C12orf56: variants seen among roughly 807,000 people sequenced by gnomAD.
The protein encoded by C12orf56 is chromosome 12 open reading frame 56, also known as uncharacterized protein C12orf56.
A neutral mutation model predicts 69.9 loss-of-function variants in C12orf56; 71 were observed. The observed-to-expected ratio is 1.02, with a 90% CI of 0.84 to 1.24. The LOEUF (loss-of-function observed/expected upper bound fraction) is 1.24, where lower values mean the gene tolerates loss of function less well. C12orf56 is among the 50% of genes most tolerant of loss of function. C12orf56 has a pLI of 0.00. For missense variants in C12orf56, 732 were observed against 738.5 expected (o/e 0.99, Z 0.10); for synonymous variants, 276 against 274.1 (o/e 1.01, Z -0.07).
chr12:64,308,948 A>AAAGAAAG (rs1565749021), intron 5 of C12orf56, among the ~76,000 whole-genome samples: 14 of 52,094 alleles, frequency 2.7e-4, no homozygotes, highest in East Asian at 1.1e-3. Flanking sequence ...AAGAAGAAAG[A>AAAGAAAG]AAGAAAGAAA....
At chr12:64,323,627 G>A (rs1193808301) in intron 3 of C12orf56, among the ~76,000 whole-genome samples, 2 of 142,140 alleles carry the variant, frequency 1.4e-5, no homozygotes, top group Non-Finnish European at 3.0e-5. Context: ...GCAGTGGTGT[G>A]AGTAGCTTGG....
chr12:64,380,922 G>A (rs1381399637), intron 1 of C12orf56, among the ~76,000 whole-genome samples: 1 of 152,144 alleles, frequency 6.6e-6, no homozygotes, highest in East Asian at 1.9e-4. Flanking sequence ...TTTAATTTAT[G>A]ATATATGTTT....
chr12:64,321,597 G>A (rs2038774223), intron 3 of C12orf56, among the ~76,000 whole-genome samples: 1 of 152,080 alleles, frequency 6.6e-6, no homozygotes, highest in Non-Finnish European at 1.5e-5. Flanking sequence ...GCCTCCCAAA[G>A]TGCTGGGATT....
intron 5 of C12orf56, 38 bp from the exon 6 acceptor site, chr12:64,303,817 GGT>G: frequency 6.5e-7 from 1 of 1,543,324 alleles, no homozygotes; most frequent in Non-Finnish European, 8.7e-7. Context: ...TTAAAAAAAT[GGT>G]AAGACATAGC....
Position 64,390,626 on chromosome 12 carries a change from C to G in C12orf56, c.-61G>C, listed in dbSNP as rs912865326. On this transcript the variant is annotated 5_prime_UTR_variant, in exon 1 of 13. Coordinates refer to ENST00000543942, the MANE Select transcript of C12orf56 (RefSeq NM_001170633.2). ...CGAGGCCCTCAGCTCGCCCTCTCCC[C>G]GCCCCCGCGCTGGAACCCGCGCGCC... The G allele has an allele frequency of 2.2e-6, 3 of 1,387,726 alleles. No homozygotes were observed. In the African/African-American group the frequency reaches 4.6e-5, roughly 21 times the overall value. The allele number at this position is 1,387,726 out of a possible 1,614,324, so 86.0% of individuals were successfully genotyped here.
rs373461045 is a variant in C12orf56, at chr12:64,390,329, G to A, written c.237C>T (p.Val79=). The A allele has an allele frequency of 3.7e-6, 6 of 1,609,876 alleles. No homozygotes were observed. Among genetic ancestry groups the A allele is most frequent in the Non-Finnish European group, 5.1e-6 (6 of 1,179,032 alleles). ...CGCCGCTCACCAGGTCAATGGCCAC[G>A]ACGTCCCGCAGAGCCACTACCCGCC... ...SIRRVVALRD[V]VAIDLIDDYP... is the part of the protein sequence containing the mutation. Residue 79 remains valine, a synonymous_variant, in exon 1 of 13, where the codon GTC becomes GTT. Coordinates refer to ENST00000543942, the MANE Select transcript of C12orf56 (RefSeq NM_001170633.2).
intron 12 of C12orf56, among the ~76,000 whole-genome samples, chr12:64,268,482 T>C (rs1194443534): frequency 6.6e-6 from 1 of 152,170 alleles, no homozygotes; most frequent in African/African-American, 2.4e-5. Context: ...GCTCCATTTA[T>C]GTAGAATGTC....
At chr12:64,274,561 G>A (rs2038027124) in intron 11 of C12orf56, among the ~76,000 whole-genome samples, 2 of 152,148 alleles carry the variant, frequency 1.3e-5, no homozygotes, top group African/African-American at 4.8e-5. Flanking sequence ...GCACACAAAT[G>A]ATCCCAAGTG....
rs758331750 is a variant in C12orf56, at chr12:64,390,545, G to A, written c.21C>T (p.Ser7=). 1.3e-5 allele frequency: 21 copies of A among 1,593,790 alleles called. No individual in the cohort carries two copies. The East Asian group carries it at 2.7e-4, about 20-fold the overall frequency. ...GGCTGTTCCTGCGCGCGGGGAAGCC[G>A]GACGGCAAGGGGCTGGCCATGCCCG... The part of the protein sequence containing the change: MASPLP[S]GFPARRNSRL... Residue 7 remains serine (S), a synonymous_variant, in exon 1 of 13, where the codon TCC becomes TCT. Transcript: ENST00000543942.
In C12orf56 at chr12:64,385,507, A is replaced by C. The variant is rs114896460; in HGVS notation, c.252+4807T>G. Among the ~76,000 whole-genome samples the C allele has an allele frequency of 7.1e-3, 1,085 of 152,292 alleles. 19 individuals carry two copies. The highest frequency in any genetic ancestry group is 0.024 in the African/African-American group (995 of 41,566). Reference sequence around the variant, plus strand: ...ACAAGGAGAGCTGGGGCTCAGAGGCATAAAGGACTTTATTTGTTCCTAAGA... The same window carrying C: ...ACAAGGAGAGCTGGGGCTCAGAGGCCTAAAGGACTTTATTTGTTCCTAAGA... On this transcript the variant is annotated intron_variant, in intron 1 of 12. Coordinates refer to ENST00000543942, the MANE Select transcript of C12orf56 (RefSeq NM_001170633.2).
chr12:64,352,457 A>G (rs1340975700), intron 2 of C12orf56: 1 of 152,686 alleles, frequency 6.5e-6, no homozygotes, highest in African/African-American at 2.4e-5. Flanking sequence ...AGCTAGATGT[A>G]CTTCTTTAGA....
chr12:64,304,672 T>C (rs2038488248), intron 5 of C12orf56, among the ~76,000 whole-genome samples: 1 of 152,208 alleles, frequency 6.6e-6, no homozygotes, highest in South Asian at 2.1e-4. Context: ...CCCCTCCCAC[T>C]GTGCTCAGTA....
rs142120205 is a variant in C12orf56, at chr12:64,281,762, A to T, written c.1310+2902T>A. Among the ~76,000 whole-genome samples, 313 of 152,274 alleles carry T rather than the reference A, an allele frequency of 2.1e-3. 3 individuals carry two copies. Among genetic ancestry groups the T allele is most frequent in the African/African-American group, 7.2e-3 (300 of 41,554 alleles). On this transcript the variant is annotated intron_variant, in intron 8 of 12. Transcript: ENST00000543942. ...GGACATGAAAAGAATTGGTAATATCAGGAAAGAGGCTTGATATAGGACGGC... is the reference window on the plus strand; with the variant it reads ...GGACATGAAAAGAATTGGTAATATCTGGAAAGAGGCTTGATATAGGACGGC...
intron 4 of C12orf56, among the ~76,000 whole-genome samples, chr12:64,317,450 G>C (rs1426162658): frequency 6.6e-6 from 1 of 152,114 alleles, no homozygotes; most frequent in Non-Finnish European, 1.5e-5. Flanking sequence ...ATATAATCTT[G>C]AGTAAATCAC....
chr12:64,375,007 A>G (rs1016824343), intron 1 of C12orf56, among the ~76,000 whole-genome samples: 6 of 151,712 alleles, frequency 4.0e-5, no homozygotes, highest in Non-Finnish European at 8.8e-5. Context: ...GTTTTAATGC[A>G]TGTTTCTTGC....
rs1344442394 is a variant in C12orf56 at position 64,303,785 on chromosome 12, G to A, written c.969-6C>T. The A allele has an allele frequency of 6.4e-7, 1 of 1,566,588 alleles. No homozygotes were observed. The highest frequency in any genetic ancestry group is 1.2e-5 in the South Asian group (1 of 81,110). ...GCTTAATTTTCTCCTCAGACCTACA[G>A]AAACAGAAGAAAATTTTCCACTTAA... On this transcript the variant is annotated splice_polypyrimidine_tract_variant and splice_region_variant and intron_variant, in intron 5 of 12. Coordinates refer to ENST00000543942, the MANE Select transcript of C12orf56 (RefSeq NM_001170633.2).
chr12:64,328,336 TCCTACA>T (rs1332078622), intron 3 of C12orf56, among the ~76,000 whole-genome samples: 1 of 151,576 alleles, frequency 6.6e-6, no homozygotes, highest in Non-Finnish European at 1.5e-5. Flanking sequence ...GCTCCCAGAA[TCCTACA>T]CTCCCCTCTT....
At chr12:64,372,742 T>C (rs1451016702) in intron 1 of C12orf56, among the ~76,000 whole-genome samples, 3 of 152,156 alleles carry the variant, frequency 2.0e-5, no homozygotes, top group Non-Finnish European at 2.9e-5. Context: ...CTCAAACTCC[T>C]GACCTCAGGT....
intron 1 of C12orf56, among the ~76,000 whole-genome samples, chr12:64,355,166 A>G (rs2039294005): frequency 6.6e-6 from 1 of 151,732 alleles, no homozygotes; most frequent in Non-Finnish European, 1.5e-5. Context: ...TTAGATAAAA[A>G]TGTTTCCTGT....
Sources: allele counts gnomAD v4.1 joint callset (sites outside exome capture counted in the v4.1 genomes callset), GRCh38; gene constraint gnomAD v4.1.1; transcripts MANE v1.5; gene names NCBI Gene and HGNC (gene_info 2026-07-23, HGNC 2026-07-21).